Variants in CADPS2 observed in about 807,000 individuals in gnomAD.
CADPS2 encodes calcium-dependent secretion activator 2.
CADPS2 carries 93 observed loss-of-function variants against 172.5 expected under a neutral mutation model. The ratio of observed to expected loss-of-function variants is 0.54; its 90% CI spans 0.46 to 0.64. CADPS2 has a LOEUF of 0.64. CADPS2 is among the 30% of genes least tolerant of loss of function. CADPS2 has a pLI of 0.00. For missense variants in CADPS2, 1,420 were observed against 1,565.9 expected, an observed-to-expected ratio of 0.91 and a Z score of 1.57; for synonymous variants, 546 against 555.2, an observed-to-expected ratio of 0.98 and a Z score of 0.23.
intron 14 of CADPS2, among the ~76,000 whole-genome samples, chr7:122,463,203 C>T (rs573087905): frequency 6.6e-6 from 1 of 151,948 alleles, no homozygotes; most frequent in South Asian, 2.1e-4. Context: ...TATTTGGCCA[C>T]AAAGGAAATC....
rs748919528 is a variant in CADPS2 at position 122,320,246 on chromosome 7, C to T, written c.3810G>A (p.Glu1270=). The change falls in exon 30 of 30, where the codon GAG becomes GAA. Residue 1270 remains glutamate, a synonymous_variant. Transcript: ENST00000449022. ...CTTCTGAAACAGAGGCTGTGGCCTC[C>T]TCTACTGTTAAACGTCTGTGCACAG... is the stretch of plus-strand genomic sequence containing the variant. ...YDTVHRRLTV[E]EATASVSEGG... is the part of the protein sequence containing the mutation. 2 of 1,613,660 alleles carry T rather than the reference C, an allele frequency of 1.2e-6. No individual in the cohort carries two copies.
chr7:122,558,107 C>T (rs756137553), intron 7 of CADPS2, among the ~76,000 whole-genome samples: 1 of 152,128 alleles, frequency 6.6e-6, no homozygotes, highest in African/African-American at 2.4e-5. Flanking sequence ...TGAAATGTAA[C>T]GACTTTCTTG....
intron 9 of CADPS2, among the ~76,000 whole-genome samples, chr7:122,508,091 A>G (rs553209876): frequency 4.6e-5 from 7 of 152,288 alleles, no homozygotes; most frequent in Admixed American, 3.9e-4. Flanking sequence ...CTGTAGATAT[A>G]AAGACATATA....
intron 27 of CADPS2, among the ~76,000 whole-genome samples, chr7:122,347,812 C>G (rs1239833254): frequency 6.6e-6 from 1 of 152,166 alleles, no homozygotes. Flanking sequence ...AAGATTACTA[C>G]TATTAATACT....
intron 1 of CADPS2, among the ~76,000 whole-genome samples, chr7:122,752,521 A>G (rs2092993238): frequency 6.6e-6 from 1 of 152,228 alleles, no homozygotes; most frequent in Non-Finnish European, 1.5e-5. Context: ...TTTGCATATT[A>G]TAAGGAATTA....
At chr7:122,329,159 T>TA (rs2034472852) in intron 28 of CADPS2, among the ~76,000 whole-genome samples, 1 of 152,170 alleles carries the variant, frequency 6.6e-6, no homozygotes, top group Non-Finnish European at 1.5e-5. Flanking sequence ...TCAGCTTTCT[T>TA]AAACAGTTCA....
chr7:122,447,119 T>C (rs1296183894), intron 15 of CADPS2, among the ~76,000 whole-genome samples: 2 of 146,498 alleles, frequency 1.4e-5, no homozygotes, highest in Non-Finnish European at 3.0e-5. Context: ...TATAGTAACA[T>C]CATTTTGCAG....
chr7:122,768,616 T>G lies in CADPS2; in HGVS notation c.340-31548A>C, dbSNP rs570623393. On this transcript the variant is annotated intron_variant, in intron 1 of 29. Coordinates refer to ENST00000449022, the MANE Select transcript of CADPS2 (RefSeq NM_017954.11). ...CCTAAAAAGGAATCAAAATAAATGTTTTCAATATTGTAGAGATATAAAATT... is the reference window on the plus strand; with the variant it reads ...CCTAAAAAGGAATCAAAATAAATGTGTTCAATATTGTAGAGATATAAAATT... 2.0e-5 allele frequency among the ~76,000 whole-genome samples: 3 copies of G among 152,258 alleles called. No individual in the cohort carries two copies. The East Asian group carries it at 5.8e-4, about 29-fold the overall frequency.
At chr7:122,740,646 C>A (rs1159270970) in intron 1 of CADPS2, among the ~76,000 whole-genome samples, 3 of 151,874 alleles carry the variant, frequency 2.0e-5, no homozygotes, top group South Asian at 2.1e-4. Flanking sequence ...AAAATAAACT[C>A]TATTAAAAAT....
intron 3 of CADPS2, among the ~76,000 whole-genome samples, chr7:122,663,027 TAAG>T (rs1335190972): frequency 2.0e-5 from 3 of 152,236 alleles, no homozygotes; most frequent in African/African-American, 7.2e-5. Flanking sequence ...ACTTACTGGA[TAAG>T]AAGTACTGAT....
chr7:122,578,302 A>T (rs2132750779), intron 7 of CADPS2, among the ~76,000 whole-genome samples: 1 of 152,144 alleles, frequency 6.6e-6, no homozygotes, highest in South Asian at 2.1e-4. Context: ...GTGTGTGCAC[A>T]TGTGTGTTCA....
At chr7:122,768,759 C>A (rs2093627330) in intron 1 of CADPS2, among the ~76,000 whole-genome samples, 1 of 152,084 alleles carries the variant, frequency 6.6e-6, no homozygotes. Context: ...AATATTTTCT[C>A]TTTTATGTCT....
At chr7:122,699,965 G>T (rs959017014) in intron 2 of CADPS2, among the ~76,000 whole-genome samples, 3 of 152,132 alleles carry the variant, frequency 2.0e-5, no homozygotes, top group African/African-American at 7.2e-5. Flanking sequence ...CATTTTTGCA[G>T]AACTTAACAA....
chr7:122,793,873 CT>C (rs1363560095), intron 1 of CADPS2, among the ~76,000 whole-genome samples: 1 of 152,016 alleles, frequency 6.6e-6, no homozygotes, highest in East Asian at 1.9e-4. Context: ...ATCTTATTTC[CT>C]CTTCACTTAT....
At chr7:122,743,086 TTATC>T (rs1388806353) in intron 1 of CADPS2, among the ~76,000 whole-genome samples, 1 of 152,150 alleles carries the variant, frequency 6.6e-6, no homozygotes, top group Non-Finnish European at 1.5e-5. Flanking sequence ...CCAGCAGAAA[TTATC>T]TATCAGGAAT....
At chr7:122,401,517 A>C (rs2045954512) in intron 20 of CADPS2, among the ~76,000 whole-genome samples, 1 of 152,238 alleles carries the variant, frequency 6.6e-6, no homozygotes, top group African/African-American at 2.4e-5. Context: ...CTTATCTATT[A>C]TTGACAGAAC....
chr7:122,587,999 T>TGA (rs1424339209), intron 6 of CADPS2, among the ~76,000 whole-genome samples: 1 of 152,160 alleles, frequency 6.6e-6, no homozygotes, highest in Non-Finnish European at 1.5e-5. Flanking sequence ...GTTGGCTGCA[T>TGA]GAATGTCTTC....
At chr7:122,520,793 A>G (rs2060728400) in intron 8 of CADPS2, among the ~76,000 whole-genome samples, 2 of 152,266 alleles carry the variant, frequency 1.3e-5, no homozygotes, top group Admixed American at 1.3e-4. Flanking sequence ...GTAGCACACA[A>G]TTCTAATAGA....
At chr7:122,558,866 T>G (rs930327774) in intron 7 of CADPS2, among the ~76,000 whole-genome samples, 3 of 152,132 alleles carry the variant, frequency 2.0e-5, no homozygotes. Context: ...CTATTTAAAT[T>G]GCTAAACTCT....
Sources: allele counts gnomAD v4.1 joint callset (sites outside exome capture counted in the v4.1 genomes callset), GRCh38; gene constraint gnomAD v4.1.1; transcripts MANE v1.5; gene names NCBI Gene and HGNC (gene_info 2026-07-23, HGNC 2026-07-21).